CNTNAP2: variants seen among roughly 807,000 people sequenced by gnomAD.
CNTNAP2 encodes contactin associated protein 2.
CNTNAP2 carries 98 observed loss-of-function variants against 155.2 expected under a neutral mutation model. That is an observed-to-expected ratio of 0.63 (90% CI 0.54 to 0.75). The LOEUF is 0.75. Ranked by LOEUF, CNTNAP2 falls within the 30% of genes least tolerant of loss-of-function variation. CNTNAP2 has a pLI of 0.00. For missense variants in CNTNAP2, 1,727 were observed against 1,688.1 expected (o/e 1.02, Z -0.40); for synonymous variants, 651 against 631.2 (o/e 1.03, Z -0.47).
chr7:146,344,233 C>T lies in CNTNAP2; in HGVS notation c.97+227260C>T, dbSNP rs183426369. Among the ~76,000 whole-genome samples the T allele has an allele frequency of 2.1e-3, 318 of 152,220 alleles. 1 individual carries two copies. The highest frequency in any genetic ancestry group is 6.8e-3 in the Middle Eastern group (2 of 294). On this transcript the variant is annotated intron_variant, in intron 1 of 23. Coordinates refer to ENST00000361727, the MANE Select transcript of CNTNAP2 (RefSeq NM_014141.6). Reference sequence around the variant, plus strand: ...ATAGCCAGAGACCAAACAGTGAGCTCTAAACTATCTTTACTAGATTTGAAA... The same window carrying T: ...ATAGCCAGAGACCAAACAGTGAGCTTTAAACTATCTTTACTAGATTTGAAA...
At chr7:146,314,773 CAG>C (rs1280993404) in intron 1 of CNTNAP2, among the ~76,000 whole-genome samples, 1 of 152,138 alleles carries the variant, frequency 6.6e-6, no homozygotes, top group East Asian at 1.9e-4. Context: ...GAAGAAGGTG[CAG>C]AGAGTGCCCA....
chr7:147,441,813 T>TCTCTCTCTC (rs1797639871), intron 10 of CNTNAP2, among the ~76,000 whole-genome samples: 9 of 102,114 alleles, frequency 8.8e-5, no homozygotes, highest in South Asian at 4.6e-4. Flanking sequence ...TGTAGTCTCT[T>TCTCTCTCTC]TCTCTCTCTC....
chr7:146,155,738 C>T lies in CNTNAP2; in HGVS notation c.97+38765C>T, dbSNP rs982726162. 4.0e-5 allele frequency among the ~76,000 whole-genome samples: 6 copies of T among 151,304 alleles called. No homozygotes were observed. The East Asian group carries it at 5.8e-4, about 15-fold the overall frequency. On this transcript the variant is annotated intron_variant, in intron 1 of 23. Coordinates refer to ENST00000361727, the MANE Select transcript of CNTNAP2 (RefSeq NM_014141.6). Reference sequence around the variant, plus strand: ...ATTCGAAATGGAGTCTCGCTCTTGTCGCCCAGGCTGAAGTGCAATGGCGGG... The same window carrying T: ...ATTCGAAATGGAGTCTCGCTCTTGTTGCCCAGGCTGAAGTGCAATGGCGGG...
At chr7:147,772,408 A>ATATAT (rs60047449) in intron 13 of CNTNAP2, among the ~76,000 whole-genome samples, 182 of 133,162 alleles carry the variant, frequency 1.4e-3, no homozygotes, top group Middle Eastern at 7.6e-3. Context: ...TAAAAAAAAA[A>ATATAT]ATATATATAT....
chr7:146,128,495 C>T (rs1019675590), intron 1 of CNTNAP2, among the ~76,000 whole-genome samples: 1 of 152,086 alleles, frequency 6.6e-6, no homozygotes, highest in South Asian at 2.1e-4. Flanking sequence ...ATTCTACTGC[C>T]GTAAAATACT....
chr7:148,409,861 C>T (rs1799790370), intron 23 of CNTNAP2, among the ~76,000 whole-genome samples: 1 of 84,722 alleles, frequency 1.2e-5, no homozygotes, highest in Admixed American at 9.1e-5. Flanking sequence ...ACCATCTTGG[C>T]TAACACGGTG....
intron 3 of CNTNAP2, among the ~76,000 whole-genome samples, chr7:146,906,460 C>G (rs1050333982): frequency 1.6e-4 from 24 of 152,188 alleles, no homozygotes; most frequent in African/African-American, 5.5e-4. Context: ...GATCTGAAAA[C>G]GGGCAGACTG....
intron 10 of CNTNAP2, among the ~76,000 whole-genome samples, chr7:147,427,220 G>C (rs1028388437): frequency 6.6e-6 from 1 of 152,062 alleles, no homozygotes; most frequent in African/African-American, 2.4e-5. Flanking sequence ...GTCCCATTCA[G>C]GGCCCTCATG....
chr7:147,566,437 C>T (rs368459366), intron 12 of CNTNAP2, among the ~76,000 whole-genome samples: 6 of 151,894 alleles, frequency 4.0e-5, no homozygotes, highest in African/African-American at 9.6e-5. Context: ...TCCCTGAGTT[C>T]GTTCTCACAC....
chr7:146,216,661 C>G (rs1419687169), intron 1 of CNTNAP2, among the ~76,000 whole-genome samples: 1 of 152,150 alleles, frequency 6.6e-6, no homozygotes, highest in African/African-American at 2.4e-5. Context: ...CTTATTGATT[C>G]TCTAGAAAAT....
intron 12 of CNTNAP2, among the ~76,000 whole-genome samples, chr7:147,620,847 A>G (rs1794835863): frequency 6.6e-6 from 1 of 152,068 alleles, no homozygotes; most frequent in African/African-American, 2.4e-5. Context: ...TAATAACAAA[A>G]CCCTAGGGAA....
intron 21 of CNTNAP2, among the ~76,000 whole-genome samples, chr7:148,341,333 T>A (rs1798228268): frequency 1.3e-5 from 2 of 152,110 alleles, no homozygotes; most frequent in Non-Finnish European, 2.9e-5. Flanking sequence ...TTCTAATCCG[T>A]AATAGTGTGT....
At chr7:146,244,874 G>C (rs890661533) in intron 1 of CNTNAP2, among the ~76,000 whole-genome samples, 2 of 151,890 alleles carry the variant, frequency 1.3e-5, no homozygotes, top group African/African-American at 2.4e-5. Context: ...TATCTGACTC[G>C]GGGCATGTTG....
At chr7:147,038,934 G>A (rs1052598371) in intron 3 of CNTNAP2, among the ~76,000 whole-genome samples, 1 of 151,908 alleles carries the variant, frequency 6.6e-6, no homozygotes, top group Non-Finnish European at 1.5e-5. Context: ...TAATGTACAG[G>A]CCCTCCTCAT....
At chr7:146,799,218 T>C (rs2129191047) in intron 2 of CNTNAP2, among the ~76,000 whole-genome samples, 1 of 152,260 alleles carries the variant, frequency 6.6e-6, no homozygotes, top group Middle Eastern at 3.4e-3. Flanking sequence ...GAAAATGAAG[T>C]CTGTAGAATC....
intron 1 of CNTNAP2, among the ~76,000 whole-genome samples, chr7:146,589,788 A>C (rs907106415): frequency 6.6e-6 from 1 of 152,000 alleles, no homozygotes; most frequent in African/African-American, 2.4e-5. Flanking sequence ...TTGCAATGTA[A>C]GTTTATGTGT....
chr7:148,164,611 C>CT (rs1175888434), intron 17 of CNTNAP2, among the ~76,000 whole-genome samples: 1,821 of 93,574 alleles, frequency 0.019, 267 homozygotes, highest in African/African-American at 0.052. Context: ...TTTTCTCTCT[C>CT]TTTTTTTTTT....
At chr7:146,541,040 A>G (rs1395935048) in intron 1 of CNTNAP2, among the ~76,000 whole-genome samples, 1 of 152,016 alleles carries the variant, frequency 6.6e-6, no homozygotes, top group East Asian at 1.9e-4. Flanking sequence ...GTTCTAAAAT[A>G]TCTCCACTAT....
At chr7:147,148,116 C>T (rs1034940777) in intron 8 of CNTNAP2, among the ~76,000 whole-genome samples, 2 of 151,932 alleles carry the variant, frequency 1.3e-5, no homozygotes, top group African/African-American at 4.8e-5. Flanking sequence ...GGGGGCCGGG[C>T]GCGGTGGCTC....
Sources: gnomAD v4.1 joint callset for allele counts (sites outside exome capture counted in the v4.1 genomes callset) on GRCh38, gnomAD v4.1.1 for gene constraint, MANE v1.5 for transcripts, NCBI Gene and HGNC (gene_info 2026-07-23, HGNC 2026-07-21) for gene names.